The following THSD7A variants were observed in gnomAD, a reference collection of about 807,000 sequenced individuals.
THSD7A encodes thrombospondin type-1 domain-containing protein 7A.
In THSD7A, 96 loss-of-function variants were observed where a neutral mutation model predicts 231.3. The ratio of observed to expected loss-of-function variants is 0.41; its 90% CI spans 0.35 to 0.49. The LOEUF is 0.49. Among genes scored for constraint, THSD7A ranks in the 20% least tolerant of loss-of-function variants. The probability of loss-of-function intolerance (pLI) is 0.05; values close to 1 mark genes in which losing one functional copy is unlikely to be tolerated. For missense variants in THSD7A, 2,290 were observed against 2,070.2 expected, an observed-to-expected ratio of 1.11 and a Z score of -2.06; for synonymous variants, 940 against 743.3, an observed-to-expected ratio of 1.26 and a Z score of -4.30.
chr7:11,740,605 T>A (rs1782081441), intron 1 of THSD7A, among the ~76,000 whole-genome samples: 1 of 151,936 alleles, frequency 6.6e-6, no homozygotes, highest in Admixed American at 6.6e-5. Context: ...CCTAACATAC[T>A]TAAATCTTAG....
chr7:11,653,857 T>C (rs1782607429), intron 1 of THSD7A, among the ~76,000 whole-genome samples: 2 of 152,136 alleles, frequency 1.3e-5, no homozygotes, highest in Admixed American at 1.3e-4. Flanking sequence ...TACTGTTTGC[T>C]TCTCATAATG....
chr7:11,753,977 C>T (rs1340850535), intron 1 of THSD7A, among the ~76,000 whole-genome samples: 1 of 151,796 alleles, frequency 6.6e-6, no homozygotes, highest in Non-Finnish European at 1.5e-5. Flanking sequence ...ATGGAAAGGA[C>T]AAAATCTAAT....
Position 11,676,049 on chromosome 7 carries a change from C to T in THSD7A, c.191-39088G>A, listed in dbSNP as rs146087790. The stretch of plus-strand genomic sequence containing the variant: ...GAATCTGGCAGGTGCCCCTCTAGGA[C>T]GAAGCTTCCAAAAGAAGGAGCAAGC... On this transcript the variant is annotated intron_variant, in intron 1 of 27. Coordinates refer to ENST00000423059, the MANE Select transcript of THSD7A (RefSeq NM_015204.3). Among the ~76,000 whole-genome samples, 158 of 152,266 alleles carry T rather than the reference C, an allele frequency of 1.0e-3. 1 individual carries two copies. The East Asian group carries it at 0.024, about 23-fold the overall frequency.
chr7:11,542,643 T>A (rs1789201432), intron 5 of THSD7A, among the ~76,000 whole-genome samples: 1 of 152,150 alleles, frequency 6.6e-6, no homozygotes, highest in Non-Finnish European at 1.5e-5. Flanking sequence ...ATATGTTAGT[T>A]AACTTATCTA....
chr7:11,384,277 C>A (rs1782640363), intron 23 of THSD7A: 1 of 151,754 alleles, frequency 6.6e-6, no homozygotes, highest in South Asian at 2.1e-4. Context: ...CTATTCTAGA[C>A]ATGAATCCTT....
chr7:11,665,691 G>A (rs1449409465), intron 1 of THSD7A, among the ~76,000 whole-genome samples: 1 of 152,064 alleles, frequency 6.6e-6, no homozygotes, highest in Admixed American at 6.6e-5. Context: ...GCACGGTCTT[G>A]GACAAAGATT....
At chr7:11,578,252 A>C (rs983385571) in intron 4 of THSD7A, among the ~76,000 whole-genome samples, 3 of 152,232 alleles carry the variant, frequency 2.0e-5, no homozygotes, top group Non-Finnish European at 4.4e-5. Context: ...TTTGGCATAT[A>C]ATAAATGCAA....
chr7:11,410,372 T>C (rs557821932), intron 19 of THSD7A: 145 of 152,288 alleles, frequency 9.5e-4, no homozygotes, highest in African/African-American at 3.4e-3. Flanking sequence ...CCAGGATGTG[T>C]AGACAGAAGA....
rs1781680989 is a variant in THSD7A at position 11,632,201 on chromosome 7, A to C, written c.1022+3929T>G. Reference sequence around the variant, plus strand: ...TAATACATCTATTTTTCCCTTATAAATTTCACAGTAACAATGTACAGTTGG... The same window carrying C: ...TAATACATCTATTTTTCCCTTATAACTTTCACAGTAACAATGTACAGTTGG... On this transcript the variant is annotated intron_variant, in intron 2 of 27. Transcript: ENST00000423059. This position sits in a 1 kb window ranked among gnomAD's most constrained non-coding sequence, Gnocchi z 4.1. 6.6e-6 allele frequency among the ~76,000 whole-genome samples: 1 copy of C among 151,984 alleles called. No individual in the cohort carries two copies. Among genetic ancestry groups the C allele is most frequent in the South Asian group, 2.1e-4 (1 of 4,818 alleles).
intron 1 of THSD7A, among the ~76,000 whole-genome samples, chr7:11,786,693 A>G (rs1411862775): frequency 2.7e-5 from 4 of 150,884 alleles, no homozygotes; most frequent in Admixed American, 1.3e-4. Flanking sequence ...AAACTACTGT[A>G]GTATGGGTTT....
intron 2 of THSD7A, among the ~76,000 whole-genome samples, chr7:11,623,685 G>A (rs573160541): frequency 1.7e-4 from 26 of 152,240 alleles, no homozygotes; most frequent in African/African-American, 6.3e-4. Flanking sequence ...CTCTTCGGCA[G>A]GGTCAAACCT....
chr7:11,826,044 T>C (rs1173798563), intron 1 of THSD7A, among the ~76,000 whole-genome samples: 1 of 152,162 alleles, frequency 6.6e-6, no homozygotes. Context: ...ATATGCAGAG[T>C]AATAAGTACT....
At chr7:11,608,333 A>G (rs1331822507) in intron 2 of THSD7A, among the ~76,000 whole-genome samples, 1 of 152,210 alleles carries the variant, frequency 6.6e-6, no homozygotes, top group East Asian at 1.9e-4. Flanking sequence ...TGTTTTAGAT[A>G]TCAATAACTT....
At chr7:11,378,442 C>T (rs1384518650) in intron 26 of THSD7A, among the ~76,000 whole-genome samples, 1 of 152,216 alleles carries the variant, frequency 6.6e-6, no homozygotes, top group African/African-American at 2.4e-5. Context: ...CCTGTATTGG[C>T]TTTGCATTTA....
At position 11,446,229 on chromosome 7, in the gene THSD7A, C is replaced by G. The variant is rs992728790; in HGVS notation, c.2896G>C (p.Val966Leu). 1.9e-6 allele frequency: 3 copies of G among 1,613,424 alleles called. No homozygotes were observed. In the African/African-American group the frequency reaches 4.0e-5, roughly 22 times the overall value. Reference sequence around the variant, plus strand: ...AAAATACAGTCTGACCAGTTCCCCACAGGTTGTGCATTATATTTGTCACAA... The same window carrying G: ...AAAATACAGTCTGACCAGTTCCCCAGAGGTTGTGCATTATATTTGTCACAA... ...CPCDKYNAQPVGNWSDCILPE... is the reference protein window; with the variant it reads ...CPCDKYNAQPLGNWSDCILPE... Residue 966 changes from valine to leucine, a missense_variant, in exon 13 of 28, where the codon GTG becomes CTG. Physicochemically the swap from Val to Leu is conservative, Grantham distance 32. Transcript: ENST00000423059. This position sits in a 1 kb window ranked among gnomAD's most constrained non-coding sequence, Gnocchi z 4.0.
intron 4 of THSD7A, among the ~76,000 whole-genome samples, chr7:11,587,495 A>G (rs1398879719): frequency 6.6e-6 from 1 of 152,204 alleles, no homozygotes; most frequent in African/African-American, 2.4e-5. Context: ...TCCAATATTG[A>G]TGAGATATAT....
intron 1 of THSD7A, among the ~76,000 whole-genome samples, chr7:11,741,039 A>G (rs1273531390): frequency 6.6e-6 from 1 of 151,942 alleles, no homozygotes; most frequent in Admixed American, 6.6e-5. Flanking sequence ...CACTGAAGAG[A>G]ATGCCAATAT....
At chr7:11,683,149 C>T (rs774929979) in intron 1 of THSD7A, among the ~76,000 whole-genome samples, 19 of 150,704 alleles carry the variant, frequency 1.3e-4, no homozygotes, top group Non-Finnish European at 2.5e-4. Context: ...CAAAATCATG[C>T]CAAGCATATT....
intron 1 of THSD7A, among the ~76,000 whole-genome samples, chr7:11,785,278 C>T (rs534216028): frequency 2.0e-5 from 3 of 151,990 alleles, no homozygotes; most frequent in Admixed American, 6.6e-5. Flanking sequence ...AGTTGGAGTG[C>T]AGTGCTATTA....
Sources: allele counts gnomAD v4.1 joint callset (sites outside exome capture counted in the v4.1 genomes callset), GRCh38; gene constraint gnomAD v4.1.1; non-coding constraint Gnocchi (gnomAD v3.1); transcripts MANE v1.5; gene names NCBI Gene and HGNC (gene_info 2026-07-23, HGNC 2026-07-21).